The following CAMKMT variants were observed in gnomAD, a reference collection of about 807,000 sequenced individuals.
CAMKMT encodes calmodulin-lysine N-methyltransferase, also known as CaM KMT.
CAMKMT carries 53 observed loss-of-function variants against 48.0 expected under a neutral mutation model. The observed-to-expected ratio is 1.10, with a 90% CI of 0.89 to 1.39. The LOEUF is 1.39. CAMKMT is among the 40% of genes most tolerant of loss of function. The pLI, the probability that CAMKMT is intolerant of heterozygous loss-of-function variation, is 0.00. For missense variants in CAMKMT, 428 were observed against 402.7 expected, an observed-to-expected ratio of 1.06 and a Z score of -0.54; for synonymous variants, 165 against 152.3, an observed-to-expected ratio of 1.08 and a Z score of -0.61.
chr2:44,737,498 A>C (rs1197546324), intron 7 of CAMKMT, among the ~76,000 whole-genome samples: 1 of 152,158 alleles, frequency 6.6e-6, no homozygotes, highest in East Asian at 1.9e-4. Context: ...GTCTAGGGCT[A>C]ATTATTCCCT....
intron 3 of CAMKMT, among the ~76,000 whole-genome samples, chr2:44,602,040 C>G (rs982016224): frequency 6.6e-6 from 1 of 152,018 alleles, no homozygotes; most frequent in African/African-American, 2.4e-5. Flanking sequence ...GGGTCTCACT[C>G]TGTCACCCAG....
At chr2:44,433,858 A>G (rs1018264871) in intron 3 of CAMKMT, among the ~76,000 whole-genome samples, 2 of 152,296 alleles carry the variant, frequency 1.3e-5, no homozygotes, top group African/African-American at 2.4e-5. Context: ...AGATCTTGCT[A>G]TAGTGGGATC....
intron 3 of CAMKMT, among the ~76,000 whole-genome samples, chr2:44,402,740 G>GTTTTTTTTTTTTTTTTTTTTTTGTTTTT: frequency 1.1e-5 from 1 of 94,106 alleles, no homozygotes; most frequent in South Asian, 4.0e-4. Flanking sequence ...TTGTTTTGCT[G>GTTTTTTTTTTTTTTTTTTTTTTGTTTTT]TTTTTTTTTT....
chr2:44,553,030 A>G (rs1480730309), intron 3 of CAMKMT, among the ~76,000 whole-genome samples: 3 of 152,230 alleles, frequency 2.0e-5, no homozygotes, highest in Non-Finnish European at 4.4e-5. Flanking sequence ...AAGAGTTCAA[A>G]GTCAGAATGC....
At chr2:44,581,200 A>G (rs546168079) in intron 3 of CAMKMT, among the ~76,000 whole-genome samples, 3 of 152,350 alleles carry the variant, frequency 2.0e-5, no homozygotes, top group African/African-American at 7.2e-5. Context: ...TCTTTGTAAG[A>G]ATGTAATAAC....
At chr2:44,581,720 G>T (rs1295617608) in intron 3 of CAMKMT, among the ~76,000 whole-genome samples, 1 of 152,186 alleles carries the variant, frequency 6.6e-6, no homozygotes, top group East Asian at 1.9e-4. Context: ...GATGGTTTTT[G>T]CCGGGCGTGG....
chr2:44,661,430 C>G (rs1357887221), intron 3 of CAMKMT, among the ~76,000 whole-genome samples: 1 of 148,790 alleles, frequency 6.7e-6, no homozygotes, highest in Non-Finnish European at 1.5e-5. Flanking sequence ...ATTCTCCCAT[C>G]TCAGCCTCCT....
chr2:44,490,889 C>A (rs1338195911), intron 3 of CAMKMT, among the ~76,000 whole-genome samples: 1 of 152,118 alleles, frequency 6.6e-6, no homozygotes, highest in Admixed American at 6.5e-5. Flanking sequence ...GTGGCTCACA[C>A]CTGTAATTAC....
intron 1 of CAMKMT, among the ~76,000 whole-genome samples, chr2:44,368,158 AT>A (rs1458512978): frequency 2.6e-5 from 4 of 152,200 alleles, no homozygotes; most frequent in African/African-American, 9.7e-5. Context: ...TAAATAGCTC[AT>A]TGACTTACTT....
At chr2:44,763,540 G>A (rs1488074020) in intron 9 of CAMKMT, among the ~76,000 whole-genome samples, 2 of 152,194 alleles carry the variant, frequency 1.3e-5, no homozygotes, top group South Asian at 2.1e-4. Flanking sequence ...CTGTTGTCAC[G>A]GAGTATGCAT....
At chr2:44,439,465 C>CT (rs1666499075) in intron 3 of CAMKMT, among the ~76,000 whole-genome samples, 3 of 152,060 alleles carry the variant, frequency 2.0e-5, no homozygotes, top group Non-Finnish European at 4.4e-5. Flanking sequence ...CTTTTGATTC[C>CT]TTTTTATAGA....
intron 9 of CAMKMT, among the ~76,000 whole-genome samples, chr2:44,763,130 T>G (rs535784186): frequency 2.0e-5 from 3 of 152,282 alleles, no homozygotes; most frequent in Non-Finnish European, 4.4e-5. Flanking sequence ...TGGCACTCAG[T>G]AGGGCTCAGT....
At chr2:44,491,998 G>C (rs900559022) in intron 3 of CAMKMT, among the ~76,000 whole-genome samples, 1 of 152,102 alleles carries the variant, frequency 6.6e-6, no homozygotes, top group African/African-American at 2.4e-5. Context: ...TTTTTGAAAT[G>C]TGAAGCACTG....
chr2:44,507,246 C>G lies in CAMKMT; in HGVS notation c.376+116941C>G, dbSNP rs115072217. Among the ~76,000 whole-genome samples, 207 of 152,246 alleles carry G rather than the reference C, an allele frequency of 1.4e-3. No individual in the cohort carries two copies. In the Middle Eastern group the frequency reaches 0.017, roughly 13 times the overall value. Reference sequence around the variant, plus strand: ...AACTTCTACCTTGCTTCAGTAAATTCTTTTTGTCATTACAAATTGGAGGCA... The same window carrying G: ...AACTTCTACCTTGCTTCAGTAAATTGTTTTTGTCATTACAAATTGGAGGCA... On this transcript the variant is annotated intron_variant, in intron 3 of 10. Coordinates refer to ENST00000378494, the MANE Select transcript of CAMKMT (RefSeq NM_024766.5).
chr2:44,674,933 C>A (rs1675585794), intron 3 of CAMKMT, among the ~76,000 whole-genome samples: 2 of 152,096 alleles, frequency 1.3e-5, no homozygotes, highest in South Asian at 4.2e-4. Flanking sequence ...GTCTCCCACC[C>A]TGAAAAAGGT....
intron 3 of CAMKMT, among the ~76,000 whole-genome samples, chr2:44,528,517 GA>G (rs1167211417): frequency 6.6e-6 from 1 of 151,910 alleles, no homozygotes; most frequent in Non-Finnish European, 1.5e-5. Flanking sequence ...CACTTTAAGA[GA>G]AAAAAATTAT....
chr2:44,679,113 T>C (rs1160696829), intron 3 of CAMKMT, among the ~76,000 whole-genome samples: 1 of 152,096 alleles, frequency 6.6e-6, no homozygotes, highest in East Asian at 1.9e-4. Context: ...ATGGTTAGAG[T>C]TGGGTCATGG....
rs559839949 is a variant in CAMKMT, at chr2:44,675,856, A to G, written c.377-28427A>G. ...TCCCCTCCCCCAGCCCTTGGCAACC[A>G]TCATTCTACTTTCTTTCTTTGTGAA... On this transcript the variant is annotated intron_variant, in intron 3 of 10. Coordinates refer to ENST00000378494, the MANE Select transcript of CAMKMT (RefSeq NM_024766.5). Among the ~76,000 whole-genome samples the G allele has an allele frequency of 1.9e-4, 29 of 152,198 alleles. No individual in the cohort carries two copies. The South Asian group carries it at 2.5e-3, about 13-fold the overall frequency.
intron 3 of CAMKMT, among the ~76,000 whole-genome samples, chr2:44,619,587 G>C (rs1270575586): frequency 6.6e-6 from 1 of 152,072 alleles, no homozygotes; most frequent in Admixed American, 6.6e-5. Context: ...GGCAATTGCC[G>C]ACCCTCCAAA....
Sources: gnomAD v4.1 joint callset for allele counts (sites outside exome capture counted in the v4.1 genomes callset) on GRCh38, gnomAD v4.1.1 for gene constraint, MANE v1.5 for transcripts, NCBI Gene and HGNC (gene_info 2026-07-23, HGNC 2026-07-21) for gene names.